Variants in INPP4B observed in about 807,000 individuals in gnomAD.
INPP4B encodes the protein inositol polyphosphate-4-phosphatase type II B.
In INPP4B, 55 loss-of-function variants were observed where a neutral mutation model predicts 122.5. The ratio of observed to expected loss-of-function variants is 0.45; its 90% CI spans 0.36 to 0.56. The LOEUF (loss-of-function observed/expected upper bound fraction) is 0.56. Among genes scored for constraint, INPP4B ranks in the 20% least tolerant of loss-of-function variants. The probability of loss-of-function intolerance (pLI) is 0.00; values close to 1 mark genes in which losing one functional copy is unlikely to be tolerated. For synonymous variants in INPP4B, 403 were observed against 388.7 expected, an observed-to-expected ratio of 1.04 and a Z score of -0.43; for missense variants, 1,000 against 1,097.7, an observed-to-expected ratio of 0.91 and a Z score of 1.26.
At chr4:142,054,228 C>T (rs184376727) in intron 25 of INPP4B, among the ~76,000 whole-genome samples, 6 of 151,262 alleles carry the variant, frequency 4.0e-5, no homozygotes, top group Admixed American at 4.0e-4. Flanking sequence ...ACGCTCAATG[C>T]AACAATATGC....
At chr4:142,249,582 C>T (rs142086377) in intron 11 of INPP4B, among the ~76,000 whole-genome samples, 3 of 152,108 alleles carry the variant, frequency 2.0e-5, no homozygotes, top group African/African-American at 4.8e-5. Context: ...CTAACCTATG[C>T]GACATCAACT....
chr4:142,802,013 G>A (rs2151092118), intron 1 of INPP4B, among the ~76,000 whole-genome samples: 1 of 152,192 alleles, frequency 6.6e-6, no homozygotes, highest in African/African-American at 2.4e-5. Context: ...ACTCAGTTAG[G>A]GACCAGGAAA....
intron 25 of INPP4B, among the ~76,000 whole-genome samples, chr4:142,036,402 C>G (rs1743990469): frequency 6.6e-6 from 1 of 151,954 alleles, no homozygotes; most frequent in Non-Finnish European, 1.5e-5. Context: ...AACATATTGG[C>G]CACAATTTAT....
intron 1 of INPP4B, among the ~76,000 whole-genome samples, chr4:142,835,750 C>T (rs1047600388): frequency 1.3e-5 from 2 of 152,172 alleles, no homozygotes; most frequent in African/African-American, 4.8e-5. Flanking sequence ...AAGAAATTAA[C>T]TATTATTCGT....
At chr4:142,386,873 G>A (rs1050248526) in intron 7 of INPP4B, among the ~76,000 whole-genome samples, 1 of 152,062 alleles carries the variant, frequency 6.6e-6, no homozygotes, top group Non-Finnish European at 1.5e-5. Flanking sequence ...ACCTTCTAAC[G>A]ACCCCCAGGA....
rs192233853 is a variant in INPP4B, at chr4:142,090,015, C to T, written c.2375-3759G>A. 9.2e-5 allele frequency among the ~76,000 whole-genome samples: 14 copies of T among 152,286 alleles called. 1 individual carries two copies. Among genetic ancestry groups the T allele is most frequent in the Admixed American group, 3.9e-4 (6 of 15,288 alleles). The stretch of plus-strand genomic sequence containing the variant: ...TTACCATTGGTAGTACTAAAACCAG[C>T]TCTAGTATTAACACAATAGACCAAA... On this transcript the variant is annotated intron_variant, in intron 23 of 25. Transcript: ENST00000262992.
chr4:142,806,415 C>T (rs2151105137), intron 1 of INPP4B, among the ~76,000 whole-genome samples: 1 of 151,150 alleles, frequency 6.6e-6, no homozygotes, highest in East Asian at 2.0e-4. Context: ...AAAGAAACAC[C>T]TTTCTCTAAA....
intron 12 of INPP4B, among the ~76,000 whole-genome samples, chr4:142,212,687 G>T (rs1001615650): frequency 2.6e-5 from 4 of 152,064 alleles, no homozygotes. Flanking sequence ...TTCTAATTGT[G>T]TCCCCTGACA....
At chr4:142,261,217 A>G (rs1739829330) in intron 10 of INPP4B, among the ~76,000 whole-genome samples, 1 of 152,186 alleles carries the variant, frequency 6.6e-6, no homozygotes, top group Admixed American at 6.5e-5. Context: ...ATGGGAGAGA[A>G]TGTCCAAAAC....
At chr4:142,518,633 A>G (rs574241322) in intron 2 of INPP4B, 1 of 152,278 alleles carries the variant, frequency 6.6e-6, no homozygotes, top group Admixed American at 6.5e-5. Context: ...ATGAGAGTGT[A>G]TGACTTCCAA....
intron 25 of INPP4B, among the ~76,000 whole-genome samples, chr4:142,035,923 CT>C (rs148110484): frequency 2.0e-5 from 3 of 151,804 alleles, no homozygotes; most frequent in African/African-American, 4.8e-5. Context: ...AGATATAGTT[CT>C]TTTTTTTAAA....
intron 1 of INPP4B, among the ~76,000 whole-genome samples, chr4:142,790,572 T>C (rs570775189): frequency 6.6e-6 from 1 of 152,134 alleles, no homozygotes; most frequent in East Asian, 1.9e-4. Flanking sequence ...ATAGTAGATG[T>C]TGGCATGGAA....
intron 7 of INPP4B, among the ~76,000 whole-genome samples, chr4:142,399,960 A>G (rs1374640780): frequency 6.6e-6 from 1 of 152,164 alleles, no homozygotes; most frequent in Admixed American, 6.5e-5. Flanking sequence ...CTGAATCAAC[A>G]GTTAGACTCT....
At chr4:142,305,696 C>A in intron 8 of INPP4B, 159 bp from the exon 9 acceptor site, 1 of 1,453,634 alleles carries the variant, frequency 6.9e-7, no homozygotes. Flanking sequence ...AATAATATAT[C>A]TACCTCATGG....
chr4:142,607,641 A>T (rs905263390), intron 2 of INPP4B, among the ~76,000 whole-genome samples: 1 of 152,144 alleles, frequency 6.6e-6, no homozygotes, highest in Non-Finnish European at 1.5e-5. Context: ...AAAATTAATA[A>T]TATATTAATG....
In INPP4B at chr4:142,288,588, G is replaced by GA. The variant is rs1432985959; in HGVS notation, c.503+16869dup. ...ACAGAGCGAGACTCTGTCTCAGGAAGAAAAAAAAAGAAAAGGCTGATTACT... is the reference window on the plus strand; with the variant it reads ...ACAGAGCGAGACTCTGTCTCAGGAAGAAAAAAAAAAGAAAAGGCTGATTACT... On this transcript the variant is annotated intron_variant, in intron 9 of 25. Coordinates refer to ENST00000262992, the MANE Select transcript of INPP4B (RefSeq NM_001101669.3). Among the ~76,000 whole-genome samples the GA allele has an allele frequency of 4.6e-5, 7 of 150,544 alleles. No homozygotes were observed. In the South Asian group the frequency reaches 1.1e-3, roughly 23 times the overall value.
intron 1 of INPP4B, among the ~76,000 whole-genome samples, chr4:142,781,978 T>A (rs959955451): frequency 7.9e-5 from 12 of 151,918 alleles, no homozygotes; most frequent in East Asian, 1.9e-4. Context: ...TTTTATTTTT[T>A]AATTTATTTT....
intron 2 of INPP4B, among the ~76,000 whole-genome samples, chr4:142,607,481 C>T (rs1741510078): frequency 6.6e-6 from 1 of 152,048 alleles, no homozygotes; most frequent in Admixed American, 6.6e-5. Flanking sequence ...TCCTGGCTGA[C>T]ATAAAGCTTG....
intron 3 of INPP4B, among the ~76,000 whole-genome samples, chr4:142,434,372 G>C (rs1809979246): frequency 1.3e-5 from 2 of 152,184 alleles, no homozygotes; most frequent in Non-Finnish European, 2.9e-5. Flanking sequence ...GAACTCACTG[G>C]TGGATGGCAA....
Sources: allele counts gnomAD v4.1 joint callset (sites outside exome capture counted in the v4.1 genomes callset), GRCh38; gene constraint gnomAD v4.1.1; transcripts MANE v1.5; gene names NCBI Gene and HGNC (gene_info 2026-07-23, HGNC 2026-07-21).